ANKRD46: variants seen among roughly 807,000 people sequenced by gnomAD.
The protein encoded by ANKRD46 is ankyrin repeat domain 46, also known as ankyrin repeat domain-containing protein 46.
A neutral mutation model predicts 19.8 loss-of-function variants in ANKRD46; 13 were observed. The ratio of observed to expected loss-of-function variants is 0.66; its 90% CI spans 0.43 to 1.04. ANKRD46 has a LOEUF of 1.04. ANKRD46 is among the 50% of genes least tolerant of loss of function. The pLI is 0.00. For missense variants in ANKRD46, 185 were observed against 274.8 expected (o/e 0.67, Z 2.31); for synonymous variants, 91 against 106.9 (o/e 0.85, Z 0.92).
chr8:100,550,465 T>C lies in ANKRD46; in HGVS notation c.-131+9246A>G, dbSNP rs1163526467. 6.5e-6 allele frequency: 1 copy of C among 153,752 alleles called. No individual in the cohort carries two copies. Among genetic ancestry groups the C allele is most frequent in the Non-Finnish European group, 1.4e-5 (1 of 69,280 alleles). 9.5% of individuals were successfully genotyped at this position (153,752 alleles called of 1,614,324 possible). ...GTTTATTTGCCATCTGTATATCCTC[T>C]GTGATGAGGTGTCCATTAAGATCTT... On this transcript the variant is annotated intron_variant, in intron 1 of 4. Transcript: ENST00000335659. The surrounding 1 kb of genome is among the most constrained non-coding windows in gnomAD (Gnocchi z 4.4).
At position 100,546,215 on chromosome 8, in the gene ANKRD46, C is replaced by G. The variant is rs914823441; in HGVS notation, c.-130-12904G>C. On this transcript the variant is annotated intron_variant, in intron 1 of 4. Transcript: ENST00000335659. The surrounding 1 kb of genome is among the most constrained non-coding windows in gnomAD (Gnocchi z 4.0). ...AGCCAAGAAAATGGGAAAAATTTCC[C>G]CAAGGCATGTCAGAGATCTTCATGG... Among the ~76,000 whole-genome samples the G allele has an allele frequency of 6.6e-6, 1 of 152,210 alleles. No individual in the cohort carries two copies. Among genetic ancestry groups the G allele is most frequent in the African/African-American group, 2.4e-5 (1 of 41,454 alleles).
chr8:100,551,561 G>T, intron 1 of ANKRD46: 1 of 759,196 alleles, frequency 1.3e-6, no homozygotes, highest in Non-Finnish European at 2.3e-6. Context: ...TTTGCCATGG[G>T]TAGAAATACT....
At chr8:100,551,906 T>C (rs1167080077) in intron 1 of ANKRD46, among the ~76,000 whole-genome samples, 1 of 152,180 alleles carries the variant, frequency 6.6e-6, no homozygotes, top group Non-Finnish European at 1.5e-5. Context: ...TCCCAGCACT[T>C]TGGGAGGCCA....
intron 1 of ANKRD46, among the ~76,000 whole-genome samples, chr8:100,533,885 A>G (rs1156234032): frequency 1.3e-5 from 2 of 152,162 alleles, no homozygotes; most frequent in Admixed American, 6.5e-5. Flanking sequence ...GCCCAAGTCT[A>G]TCTGTAGTCT....
At chr8:100,549,966 C>G (rs1370932034) in intron 1 of ANKRD46, among the ~76,000 whole-genome samples, 2 of 152,142 alleles carry the variant, frequency 1.3e-5, no homozygotes, top group Admixed American at 6.6e-5. Flanking sequence ...GCTTCTTTCC[C>G]TCATAATACG....
downstream of ANKRD46, among the ~76,000 whole-genome samples, chr8:100,518,257 A>G (rs1216112709): frequency 4.6e-5 from 7 of 152,216 alleles, no homozygotes; most frequent in Non-Finnish European, 8.8e-5. Context: ...AACTGTCAAA[A>G]TCAATAAAAT....
chr8:100,553,950 T>C (rs544276658), intron 1 of ANKRD46, among the ~76,000 whole-genome samples: 1 of 152,384 alleles, frequency 6.6e-6, no homozygotes, highest in Admixed American at 6.5e-5. Flanking sequence ...TTGTTTCTGA[T>C]TTACTTGGTA....
chr8:100,530,649 T>C (rs1811942247), intron 2 of ANKRD46, among the ~76,000 whole-genome samples: 1 of 152,164 alleles, frequency 6.6e-6, no homozygotes, highest in African/African-American at 2.4e-5. Context: ...TTGCAAAAAG[T>C]GCTGGGACTA....
At position 100,521,583 on chromosome 8, in the gene ANKRD46, T is replaced by A; in HGVS notation, c.*972A>T. ...TCCATCCATTCTTGCCATCAGAGAATTACAGATATGGATGGGATTGTTAAA... is the reference window on the plus strand; with the variant it reads ...TCCATCCATTCTTGCCATCAGAGAAATACAGATATGGATGGGATTGTTAAA... On this transcript the variant is annotated 3_prime_UTR_variant, in exon 5 of 5. Coordinates refer to ENST00000335659, the MANE Select transcript of ANKRD46 (RefSeq NM_001270377.2). The A allele has an allele frequency of 1.0e-6, 1 of 985,436 alleles. No homozygotes were observed. Among genetic ancestry groups the A allele is most frequent in the Non-Finnish European group, 1.2e-6 (1 of 829,920 alleles). 61.0% of individuals were successfully genotyped at this position (985,436 alleles called of 1,614,324 possible). A position where few individuals can be genotyped will look rare whatever the true frequency, so the allele number is the denominator to read the frequency against.
chr8:100,551,409 T>C, intron 1 of ANKRD46: 4 of 621,258 alleles, frequency 6.4e-6, no homozygotes, highest in East Asian at 7.0e-5. Flanking sequence ...TCTATGGTCA[T>C]GAAGATGCCA....
chr8:100,542,217 G>A (rs1406813827), intron 1 of ANKRD46, among the ~76,000 whole-genome samples: 1 of 152,098 alleles, frequency 6.6e-6, no homozygotes, highest in Non-Finnish European at 1.5e-5. Context: ...GTACATTTAT[G>A]GCCTAGGTAA....
intron 1 of ANKRD46, chr8:100,551,738 G>A (rs1310109700): frequency 8.8e-6 from 5 of 565,768 alleles, no homozygotes; most frequent in Non-Finnish European, 1.7e-5. Context: ...ATGGCTTTGA[G>A]AAGAGGATGG....
intron 5 of ANKRD46, among the ~76,000 whole-genome samples, chr8:100,514,960 A>G (rs994480729): frequency 1.3e-5 from 2 of 152,160 alleles, no homozygotes; most frequent in Non-Finnish European, 2.9e-5. Context: ...ATCTTTACAC[A>G]TATTTCATTG....
chr8:100,517,065 G>C (rs2130631778), downstream of ANKRD46, among the ~76,000 whole-genome samples: 1 of 152,302 alleles, frequency 6.6e-6, no homozygotes, highest in African/African-American at 2.4e-5. Flanking sequence ...CTAATGGTGA[G>C]GTGGGGACAA....
At position 100,550,931 on chromosome 8, in the gene ANKRD46, T is replaced by G; in HGVS notation, c.-131+8780A>C. The G allele has an allele frequency of 3.3e-6, 2 of 602,458 alleles. No individual in the cohort carries two copies. Among genetic ancestry groups the G allele is most frequent in the South Asian group, 3.0e-5 (2 of 67,118 alleles). 37.3% of individuals were successfully genotyped at this position (602,458 alleles called of 1,614,324 possible). A position where few individuals can be genotyped will look rare whatever the true frequency, so the allele number is the denominator to read the frequency against. On this transcript the variant is annotated intron_variant, in intron 1 of 4. Coordinates refer to ENST00000335659, the MANE Select transcript of ANKRD46 (RefSeq NM_001270377.2). The surrounding 1 kb of genome is among the most constrained non-coding windows in gnomAD (Gnocchi z 4.4). The stretch of plus-strand genomic sequence containing the variant: ...TGCCCTTGAGGGGCCCTCTGACGCC[T>G]GCTTCACCACCTTTTTGATGTCATC...
At position 100,541,507 on chromosome 8, in the gene ANKRD46, G is replaced by A. The variant is rs375734265; in HGVS notation, c.-130-8196C>T. Among the ~76,000 whole-genome samples the A allele has an allele frequency of 1.2e-4, 18 of 152,288 alleles. No individual in the cohort carries two copies. In the South Asian group the frequency reaches 3.3e-3, roughly 28 times the overall value. On this transcript the variant is annotated intron_variant, in intron 1 of 4. Coordinates refer to ENST00000335659, the MANE Select transcript of ANKRD46 (RefSeq NM_001270377.2). ...CACTGTTATGTGAACAACACAGAGT[G>A]TCCTCAGGTGCCTACACAAGCCTAG...
rs180883708 is a variant in ANKRD46, at chr8:100,529,377, T to C, written c.311+146A>G. On this transcript the variant is annotated intron_variant, in intron 3 of 4. Coordinates refer to ENST00000335659, the MANE Select transcript of ANKRD46 (RefSeq NM_001270377.2). The surrounding 1 kb of genome is among the most constrained non-coding windows in gnomAD (Gnocchi z 5.8). ...TCAGCCCCTCATTCCCTCACTTGCCTAACAGGATTACACTGTCTTCAATGC... is the reference window on the plus strand; with the variant it reads ...TCAGCCCCTCATTCCCTCACTTGCCCAACAGGATTACACTGTCTTCAATGC... The C allele has an allele frequency of 2.5e-4, 214 of 856,686 alleles. No individual in the cohort carries two copies. The African/African-American group carries it at 3.3e-3, about 13-fold the overall frequency. The allele number at this position is 856,686 out of a possible 1,614,324, so 53.1% of individuals were successfully genotyped here. A position where few individuals can be genotyped will look rare whatever the true frequency, so the allele number is the denominator to read the frequency against.
chr8:100,515,581 C>T (rs754571025), intron 5 of ANKRD46, among the ~76,000 whole-genome samples: 49 of 147,738 alleles, frequency 3.3e-4, no homozygotes, highest in Non-Finnish European at 4.1e-4. Context: ...GAACACAATA[C>T]TGACACAGTC....
rs386728207 is a variant in ANKRD46, at chr8:100,510,927, GC to G, written c.637-289del. On this transcript the variant is annotated intron_variant, in intron 5 of 5. Transcript: ENST00000520552. This position sits in a 1 kb window ranked among gnomAD's most constrained non-coding sequence, Gnocchi z 4.9. The stretch of plus-strand genomic sequence containing the variant: ...TTTAATGAAAGCTCAAAGAGCTGAA[GC>G]CATCTGGGAACCTAATCACCCACTG... Among the ~76,000 whole-genome samples, 299 of 152,298 alleles carry G rather than the reference GC, an allele frequency of 2.0e-3. 2 individuals carry two copies. Among genetic ancestry groups the G allele is most frequent in the African/African-American group, 6.0e-3 (250 of 41,566 alleles).
Sources: allele counts gnomAD v4.1 joint callset (sites outside exome capture counted in the v4.1 genomes callset), GRCh38; gene constraint gnomAD v4.1.1; non-coding constraint Gnocchi (gnomAD v3.1); transcripts MANE v1.5; gene names NCBI Gene and HGNC (gene_info 2026-07-23, HGNC 2026-07-21).